The following C10orf67 variants were observed in gnomAD, a reference collection of about 807,000 sequenced individuals.
The protein encoded by C10orf67 is chromosome 10 open reading frame 67, also known as uncharacterized protein C10orf67, mitochondrial.
C10orf67 carries 60 observed loss-of-function variants against 35.6 expected under a neutral mutation model. The observed-to-expected ratio is 1.68, with a 90% CI of 1.37 to 2.09. The LOEUF is 2.09. C10orf67 is among the 30% of genes most tolerant of loss of function. C10orf67 has a pLI of 0.00. For missense variants in C10orf67, 474 were observed against 330.2 expected (o/e 1.44, Z -3.38); for synonymous variants, 167 against 115.8 (o/e 1.44, Z -2.84).
intron 8 of C10orf67, among the ~76,000 whole-genome samples, chr10:23,270,541 C>T (rs575976071): frequency 2.6e-5 from 4 of 152,274 alleles, no homozygotes; most frequent in African/African-American, 7.2e-5. Flanking sequence ...CTGTACCTTC[C>T]CCGGGGAAGG....
intron 2 of C10orf67, among the ~76,000 whole-genome samples, chr10:23,327,998 G>A (rs1845263132): frequency 6.6e-6 from 1 of 152,028 alleles, no homozygotes; most frequent in Non-Finnish European, 1.5e-5. Context: ...ATTCTAAAAA[G>A]CATCTTTGAA....
intron 2 of C10orf67, among the ~76,000 whole-genome samples, chr10:23,329,797 CAAAAAA>C (rs398013008): frequency 1.2e-4 from 6 of 48,090 alleles, no homozygotes; most frequent in Non-Finnish European, 2.1e-4. Context: ...GAACTTGTCT[CAAAAAA>C]AAAAAAAAAA....
intron 4 of C10orf67, among the ~76,000 whole-genome samples, chr10:23,314,008 C>T (rs1438539943): frequency 1.4e-5 from 2 of 144,570 alleles, no homozygotes; most frequent in Non-Finnish European, 3.0e-5. Flanking sequence ...GCAAACAAGA[C>T]GTGGATTTAG....
chr10:23,337,126 T>TATGAATGA (rs562404120), intron 1 of C10orf67, among the ~76,000 whole-genome samples: 142 of 152,194 alleles, frequency 9.3e-4, no homozygotes, highest in African/African-American at 3.3e-3. Context: ...TCCATACTGA[T>TATGAATGA]ATGAATGAAT....
At chr10:23,335,882 C>T (rs912048931) in intron 1 of C10orf67, among the ~76,000 whole-genome samples, 1 of 152,198 alleles carries the variant, frequency 6.6e-6, no homozygotes, top group African/African-American at 2.4e-5. Flanking sequence ...ACAGTACCCT[C>T]AGCCTAGGAT....
In C10orf67 at chr10:23,223,829, C is replaced by T. The variant is rs766225044; in HGVS notation, c.1435-11G>A. ...TAAGGGTTTTACTTTCTGAAAGACA[C>T]AAAAGATATGTACTGTGTTATCAGG... On this transcript the variant is annotated splice_polypyrimidine_tract_variant and intron_variant, in intron 13 of 15. Transcript: ENST00000636213. 1 of 714,818 alleles carries T rather than the reference C, an allele frequency of 1.4e-6. No homozygotes were observed. The highest frequency in any genetic ancestry group is 2.6e-6 in the Non-Finnish European group (1 of 384,826). 44.3% of individuals were successfully genotyped at this position (714,818 alleles called of 1,614,324 possible).
intron 5 of C10orf67, among the ~76,000 whole-genome samples, chr10:23,295,880 A>G (rs1843866148): frequency 6.6e-6 from 1 of 152,242 alleles, no homozygotes; most frequent in Non-Finnish European, 1.5e-5. Context: ...ACAATGCTGT[A>G]TTGCTTAGAA....
chr10:23,324,597 G>C (rs1845109491), intron 2 of C10orf67, among the ~76,000 whole-genome samples: 1 of 152,152 alleles, frequency 6.6e-6, no homozygotes, highest in Admixed American at 6.5e-5. Context: ...CCAGTCCTTT[G>C]TGTCTTCTAA....
intron 5 of C10orf67, among the ~76,000 whole-genome samples, chr10:23,292,725 A>ATG (rs35181915): frequency 0.2 from 29,547 of 151,160 alleles, 3,543 homozygotes; most frequent in Non-Finnish European, 0.28. Flanking sequence ...TGGTATATAT[A>ATG]TGTGTGTGTG....
At chr10:23,224,298 C>G (rs1366154294) in intron 13 of C10orf67, among the ~76,000 whole-genome samples, 1 of 152,192 alleles carries the variant, frequency 6.6e-6, no homozygotes, top group Non-Finnish European at 1.5e-5. Context: ...CAAACTCCAA[C>G]AGACCTGCAG....
chr10:23,242,727 A>G (rs1842215467), intron 12 of C10orf67, among the ~76,000 whole-genome samples: 2 of 151,668 alleles, frequency 1.3e-5, no homozygotes, highest in Non-Finnish European at 2.9e-5. Flanking sequence ...AAATTTTACA[A>G]AGGAGAAATT....
In C10orf67 at chr10:23,267,242, T is replaced by C; in HGVS notation, c.988A>G (p.Lys330Glu). Residue 330 changes from lysine to glutamate, a missense_variant, in exon 9 of 16, where the codon AAA becomes GAA. Lys to Glu is a moderately conservative substitution (Grantham distance 56, BLOSUM62 1). Coordinates refer to ENST00000636213, the MANE Select transcript of C10orf67 (RefSeq NM_001371909.1). Reference sequence around the variant, plus strand: ...TTTTTTCTCATTTCCTTGTCCTCTTTCTGTTTATTAATCTGTAAAATTGAA... The same window carrying C: ...TTTTTTCTCATTTCCTTGTCCTCTTCCTGTTTATTAATCTGTAAAATTGAA... ...SLVQDVINKQ[K>E]EDKEMRKKYG... 1.4e-6 allele frequency: 1 copy of C among 715,928 alleles called. No individual in the cohort carries two copies. The highest frequency in any genetic ancestry group is 1.5e-5 in the South Asian group (1 of 67,402). 44.3% of individuals were successfully genotyped at this position (715,928 alleles called of 1,614,324 possible). A position where few individuals can be genotyped will look rare whatever the true frequency, so the allele number is the denominator to read the frequency against.
chr10:23,249,079 G>A (rs1348508859), intron 12 of C10orf67, among the ~76,000 whole-genome samples: 4 of 126,710 alleles, frequency 3.2e-5, no homozygotes, highest in Non-Finnish European at 6.2e-5. Context: ...GCAGTGAGCC[G>A]AGATTGCACC....
Position 23,204,233 on chromosome 10 carries a change from T to A in C10orf67, c.1593A>T (p.Lys531Asn). ...TGGAGGGCTCCTCCAAGGACTCTTCTTTTGGGGATTCCGACAACTTCCCTA... is the reference window on the plus strand; with the variant it reads ...TGGAGGGCTCCTCCAAGGACTCTTCATTTGGGGATTCCGACAACTTCCCTA... Reference protein sequence around the residue: ...SPKGKLSESPKEESLEEPSMR... With the variant: ...SPKGKLSESPNEESLEEPSMR... Residue 531 changes from lysine to asparagine, a missense_variant, in exon 16 of 16, where the codon AAA becomes AAT. Coordinates refer to ENST00000636213, the MANE Select transcript of C10orf67 (RefSeq NM_001371909.1). 1.5e-6 allele frequency: 1 copy of A among 654,166 alleles called. No individual in the cohort carries two copies. The allele number at this position is 654,166 out of a possible 1,614,324, so 40.5% of individuals were successfully genotyped here. A position where few individuals can be genotyped will look rare whatever the true frequency, so the allele number is the denominator to read the frequency against.
rs59247961 is a variant in C10orf67, at chr10:23,209,998, TAAAA to T, written c.1571-5747_1571-5744del. Among the ~76,000 whole-genome samples the T allele has an allele frequency of 2.5e-4, 17 of 67,208 alleles. No homozygotes were observed. In the Admixed American group the frequency reaches 2.6e-3, roughly 10 times the overall value. The allele number at this position is 67,208 out of a possible 152,430, so 44.1% of individuals were successfully genotyped here. A position where few individuals can be genotyped will look rare whatever the true frequency, so the allele number is the denominator to read the frequency against. On this transcript the variant is annotated intron_variant, in intron 15 of 15. Transcript: ENST00000636213. The stretch of plus-strand genomic sequence containing the variant: ...TTGGGCAATAGAGCCAGACCTTGGC[TAAAA>T]AAAAAAAAAAAAAAAAAAAAGGAAT...
chr10:23,340,605 A>G (rs1450521922), intron 1 of C10orf67, among the ~76,000 whole-genome samples: 2 of 152,160 alleles, frequency 1.3e-5, no homozygotes, highest in East Asian at 3.9e-4. Context: ...TGACTGACTC[A>G]AAAAGTTCCA....
intron 15 of C10orf67, among the ~76,000 whole-genome samples, chr10:23,222,982 T>C (rs1588585663): frequency 1.3e-5 from 2 of 152,102 alleles, no homozygotes; most frequent in Non-Finnish European, 2.9e-5. Context: ...TGGAAAAAAA[T>C]AGGAATTTAA....
At chr10:23,250,541 G>C (rs1013509987) in intron 11 of C10orf67, 21 bp from the exon 12 acceptor site, 1 of 398,350 alleles carries the variant, frequency 2.5e-6, no homozygotes, top group Non-Finnish European at 4.4e-6. Flanking sequence ...TTTACAGATG[G>C]TTAAATATTG....
At chr10:23,339,980 T>G (rs563155524) in intron 1 of C10orf67, among the ~76,000 whole-genome samples, 1 of 152,276 alleles carries the variant, frequency 6.6e-6, no homozygotes, top group South Asian at 2.1e-4. Context: ...ATGCAATCCT[T>G]TACCCTACCC....
Sources: gnomAD v4.1 joint callset for allele counts (sites outside exome capture counted in the v4.1 genomes callset) on GRCh38, gnomAD v4.1.1 for gene constraint, MANE v1.5 for transcripts, NCBI Gene and HGNC (gene_info 2026-07-23, HGNC 2026-07-21) for gene names.